Variants in KCNJ6 observed in about 807,000 individuals in gnomAD.
KCNJ6 encodes G protein-activated inward rectifier potassium channel 2.
In KCNJ6, 9 loss-of-function variants were observed where a neutral mutation model predicts 34.2. That is an observed-to-expected ratio of 0.26 (90% CI 0.16 to 0.46). KCNJ6 has a LOEUF of 0.46. Among genes scored for constraint, KCNJ6 ranks in the 20% least tolerant of loss-of-function variants. The pLI is 1.00. For missense variants in KCNJ6, 236 were observed against 531.3 expected (o/e 0.44, Z 5.46); for synonymous variants, 196 against 207.1 (o/e 0.95, Z 0.46).
intron 2 of KCNJ6, among the ~76,000 whole-genome samples, chr21:37,835,777 C>T (rs2836009): frequency 0.21 from 31,535 of 151,922 alleles, 5,481 homozygotes; most frequent in East Asian, 0.47. Context: ...TGGTAAAGTG[C>T]TGGTTACCAG....
At chr21:37,904,798 G>A (rs181276906) in intron 1 of KCNJ6, among the ~76,000 whole-genome samples, 4 of 152,290 alleles carry the variant, frequency 2.6e-5, no homozygotes, top group Admixed American at 2.6e-4. Context: ...AAAAAAAGGA[G>A]TCTTGTCTAC....
At chr21:37,628,081 A>G (rs1404570702) in intron 3 of KCNJ6, among the ~76,000 whole-genome samples, 2 of 152,220 alleles carry the variant, frequency 1.3e-5, no homozygotes, top group Non-Finnish European at 2.9e-5. Flanking sequence ...TTTCAGGGTT[A>G]CTACATTATA....
chr21:37,871,062 C>G (rs1161705280), intron 1 of KCNJ6, among the ~76,000 whole-genome samples: 1 of 151,818 alleles, frequency 6.6e-6, no homozygotes, highest in African/African-American at 2.4e-5. Context: ...CTTTTTTTTT[C>G]CTATTTTCAT....
chr21:37,865,789 C>G (rs758591902), intron 1 of KCNJ6, among the ~76,000 whole-genome samples: 1 of 152,178 alleles, frequency 6.6e-6, no homozygotes, highest in Non-Finnish European at 1.5e-5. Context: ...GACAGATCAT[C>G]TAGATAGAAG....
chr21:37,630,460 A>G (rs2054329215), intron 3 of KCNJ6, among the ~76,000 whole-genome samples: 1 of 152,202 alleles, frequency 6.6e-6, no homozygotes, highest in Non-Finnish European at 1.5e-5. Context: ...TTGGGGAACT[A>G]TACAGAAACA....
At chr21:37,801,234 T>A (rs1387397753) in intron 2 of KCNJ6, among the ~76,000 whole-genome samples, 1 of 152,162 alleles carries the variant, frequency 6.6e-6, no homozygotes, top group African/African-American at 2.4e-5. Flanking sequence ...GATTTTTGGC[T>A]TCATTTATTG....
chr21:37,752,991 A>G (rs1340146402), intron 2 of KCNJ6, among the ~76,000 whole-genome samples: 1 of 152,206 alleles, frequency 6.6e-6, no homozygotes, highest in Non-Finnish European at 1.5e-5. Flanking sequence ...GAGAGAAAAG[A>G]CAAGGGCTGC....
intron 3 of KCNJ6, among the ~76,000 whole-genome samples, chr21:37,694,704 G>A (rs1211662329): frequency 1.3e-5 from 2 of 152,124 alleles, no homozygotes; most frequent in African/African-American, 2.4e-5. Context: ...GGACTGAATT[G>A]TGCACCCCCC....
In KCNJ6 at chr21:37,730,471, GA is replaced by G. The variant is rs960449530; in HGVS notation, c.26-15341del. 1.3e-4 allele frequency among the ~76,000 whole-genome samples: 20 copies of G among 152,212 alleles called. 1 individual carries two copies. Among genetic ancestry groups the G allele is most frequent in the African/African-American group, 4.1e-4 (17 of 41,536 alleles). ...TACCTTGAAGAGTTACTGTGAGAAA[GA>G]AAAAAATCCTGCAAGGATGGCACCT... On this transcript the variant is annotated intron_variant, in intron 2 of 3. Transcript: ENST00000609713.
rs775602406 is a variant in KCNJ6 at position 37,733,322 on chromosome 21, C to T, written c.26-18191G>A. Among the ~76,000 whole-genome samples, 232 of 148,444 alleles carry T rather than the reference C, an allele frequency of 1.6e-3. 2 individuals are homozygous for T. Among genetic ancestry groups the T allele is most frequent in the Non-Finnish European group, 3.9e-4 (26 of 67,502 alleles). On this transcript the variant is annotated intron_variant, in intron 2 of 3. Transcript: ENST00000609713. ...TCTGTGTTGTTCTGGAGAAATCTGC[C>T]GTTGGTATTTCGGGGGTCTTTTGAA...
chr21:37,870,783 A>G (rs2055647682), intron 1 of KCNJ6, among the ~76,000 whole-genome samples: 1 of 152,166 alleles, frequency 6.6e-6, no homozygotes, highest in Non-Finnish European at 1.5e-5. Flanking sequence ...GCTAACATCA[A>G]AGGGTGATCT....
At chr21:37,636,450 A>G (rs2054358575) in intron 3 of KCNJ6, among the ~76,000 whole-genome samples, 2 of 152,208 alleles carry the variant, frequency 1.3e-5, no homozygotes, top group South Asian at 4.1e-4. Context: ...TTCATTCCGC[A>G]GTTTCTCCAC....
At chr21:37,798,647 T>C (rs1054057113) in intron 2 of KCNJ6, among the ~76,000 whole-genome samples, 1 of 152,154 alleles carries the variant, frequency 6.6e-6, no homozygotes, top group Non-Finnish European at 1.5e-5. Context: ...AAAACATGCC[T>C]AGTGAAACAA....
chr21:37,756,497 G>A (rs1408454549), intron 2 of KCNJ6, among the ~76,000 whole-genome samples: 1 of 152,204 alleles, frequency 6.6e-6, no homozygotes, highest in Admixed American at 6.5e-5. Context: ...ACATCTCCCC[G>A]CTATGCTGGT....
intron 3 of KCNJ6, among the ~76,000 whole-genome samples, chr21:37,646,444 T>G (rs2054404478): frequency 6.6e-6 from 1 of 152,168 alleles, no homozygotes; most frequent in Non-Finnish European, 1.5e-5. Context: ...AGCTTAATCA[T>G]TTATTTGGCT....
intron 1 of KCNJ6, among the ~76,000 whole-genome samples, chr21:37,900,706 A>T (rs1405506979): frequency 1.3e-5 from 2 of 152,160 alleles, no homozygotes; most frequent in Non-Finnish European, 2.9e-5. Flanking sequence ...AGGACATCCA[A>T]GGCAGCAGAA....
chr21:37,699,796 A>G (rs901013154), intron 3 of KCNJ6, among the ~76,000 whole-genome samples: 1 of 152,226 alleles, frequency 6.6e-6, no homozygotes, highest in Non-Finnish European at 1.5e-5. Context: ...CTCTGTATTT[A>G]TGTCAGATGG....
chr21:37,655,178 TTTGTG>T (rs1448865937), intron 3 of KCNJ6, among the ~76,000 whole-genome samples: 2,525 of 78,088 alleles, frequency 0.032, 86 homozygotes, highest in African/African-American at 0.085. Flanking sequence ...ACTCTAGACA[TTTGTG>T]TGTGTGTGTG....
intron 2 of KCNJ6, among the ~76,000 whole-genome samples, chr21:37,715,942 CA>C (rs550647842): frequency 7.2e-5 from 11 of 152,336 alleles, no homozygotes; most frequent in African/African-American, 2.4e-4. Flanking sequence ...AACTGACTTA[CA>C]ACACACTATC....
Sources: gnomAD v4.1 joint callset for allele counts (sites outside exome capture counted in the v4.1 genomes callset) on GRCh38, gnomAD v4.1.1 for gene constraint, MANE v1.5 for transcripts, NCBI Gene and HGNC (gene_info 2026-07-23, HGNC 2026-07-21) for gene names.